The following SETD2 variants were observed in gnomAD, a reference collection of about 807,000 sequenced individuals.
SETD2 encodes the protein histone-lysine N-methyltransferase SETD2.
In SETD2, 31 loss-of-function variants were observed where a neutral mutation model predicts 242.1. That is an observed-to-expected ratio of 0.13 (90% CI 0.10 to 0.17). SETD2 has a LOEUF of 0.17. SETD2 is among the 10% of genes least tolerant of loss of function. SETD2 has a pLI of 1.00. For synonymous variants in SETD2, 1,006 were observed against 1,066.5 expected, an observed-to-expected ratio of 0.94 and a Z score of 1.11; for missense variants, 2,481 against 3,046.3, an observed-to-expected ratio of 0.81 and a Z score of 4.37.
At chr3:47,074,774 T>C (rs1180891023) in intron 12 of SETD2, among the ~76,000 whole-genome samples, 1 of 152,220 alleles carries the variant, frequency 6.6e-6, no homozygotes. Flanking sequence ...AGAAATGCTA[T>C]AGTCTTACAT....
At chr3:47,041,429 C>A (rs1424985522) in intron 17 of SETD2, 4 of 422,310 alleles carry the variant, frequency 9.5e-6, no homozygotes, top group South Asian at 1.7e-5. Flanking sequence ...GGGAGGATCG[C>A]TTGAAGCCAG....
intron 18 of SETD2, among the ~76,000 whole-genome samples, chr3:47,027,336 C>CAAAAAAAAA (rs145911577): frequency 1.8e-4 from 19 of 103,746 alleles, no homozygotes; most frequent in Non-Finnish European, 2.8e-4. Flanking sequence ...GACTCCATCT[C>CAAAAAAAAA]AAAAAAAAAA....
rs572019680 is a variant in SETD2, at chr3:47,096,170, T to G, written c.5142+1785A>C. ...CCTCAAAGGTAGGAGGGGACTCCAC[T>G]CTACAGTTTAACTGTAGTTTAACAC... On this transcript the variant is annotated intron_variant, in intron 9 of 20. Coordinates refer to ENST00000409792, the MANE Select transcript of SETD2 (RefSeq NM_014159.7). Among the ~76,000 whole-genome samples the G allele has an allele frequency of 5.3e-5, 8 of 152,346 alleles. No individual in the cohort carries two copies. The South Asian group carries it at 1.7e-3, about 32-fold the overall frequency.
At chr3:47,125,216 G>C (rs2106734873) in intron 2 of SETD2, among the ~76,000 whole-genome samples, 1 of 152,208 alleles carries the variant, frequency 6.6e-6, no homozygotes, top group South Asian at 2.1e-4. Flanking sequence ...CTACTTGGGA[G>C]GCTGAGGTGG....
chr3:47,104,882 C>A (rs1271946766), intron 6 of SETD2, among the ~76,000 whole-genome samples: 2 of 152,140 alleles, frequency 1.3e-5, no homozygotes, highest in Non-Finnish European at 2.9e-5. Context: ...AGCCTTCGGT[C>A]TGAGCCCTTG....
At chr3:47,073,645 T>C (rs2040923996) in intron 12 of SETD2, among the ~76,000 whole-genome samples, 1 of 151,982 alleles carries the variant, frequency 6.6e-6, no homozygotes, top group African/African-American at 2.4e-5. Context: ...TCCGAAGAAA[T>C]GAAAGGTAAC....
At chr3:47,072,749 T>C (rs1474311095) in intron 12 of SETD2, among the ~76,000 whole-genome samples, 1 of 151,338 alleles carries the variant, frequency 6.6e-6, no homozygotes, top group Non-Finnish European at 1.5e-5. Context: ...ATTCAGACCA[T>C]CCTGGCTAAC....
chr3:47,029,484 A>C (rs541999825), intron 18 of SETD2, among the ~76,000 whole-genome samples: 22 of 97,448 alleles, frequency 2.3e-4, no homozygotes, highest in African/African-American at 6.0e-4. Flanking sequence ...AATAAAAAGC[A>C]AAAAAAAAAA....
intron 18 of SETD2, among the ~76,000 whole-genome samples, chr3:47,031,779 A>T (rs1315323418): frequency 6.6e-6 from 1 of 152,202 alleles, no homozygotes; most frequent in Admixed American, 6.5e-5. Context: ...TTTTATTCGT[A>T]TGGGTTATAG....
At chr3:47,032,712 G>C (rs1322081542) in intron 18 of SETD2, among the ~76,000 whole-genome samples, 1 of 152,042 alleles carries the variant, frequency 6.6e-6, no homozygotes, top group Non-Finnish European at 1.5e-5. Flanking sequence ...AGGAGTTCGA[G>C]ACCAGCCTGG....
At chr3:47,036,462 T>C (rs2038999526) in intron 18 of SETD2, among the ~76,000 whole-genome samples, 1 of 151,756 alleles carries the variant, frequency 6.6e-6, no homozygotes, top group African/African-American at 2.4e-5. Context: ...GGTTGAGACA[T>C]GAGAACTGCT....
chr3:47,061,690 G>A (rs1007498999), intron 14 of SETD2, among the ~76,000 whole-genome samples: 2 of 152,014 alleles, frequency 1.3e-5, no homozygotes, highest in Non-Finnish European at 2.9e-5. Context: ...AACTTGTCTG[G>A]GATAAATGTT....
intron 1 of SETD2, chr3:47,163,652 G>C: frequency 6.3e-6 from 2 of 315,822 alleles, no homozygotes; most frequent in East Asian, 6.6e-5. Flanking sequence ...CGCCAACGCC[G>C]GGCCCAACCG....
chr3:47,163,851 T>C lies in SETD2; in HGVS notation c.71+3A>G, dbSNP rs761216770. On this transcript the variant is annotated splice_donor_region_variant and intron_variant, in intron 1 of 20. Coordinates refer to ENST00000409792, the MANE Select transcript of SETD2 (RefSeq NM_014159.7). ...AGCGGGGGGCCGCGGAGCTGATACT[T>C]ACTCAGGGGTCGGGTGCTCCGGGTC... The C allele has an allele frequency of 7.7e-7, 1 of 1,296,998 alleles. No individual in the cohort carries two copies. Among genetic ancestry groups the C allele is most frequent in the Non-Finnish European group, 9.8e-7 (1 of 1,015,450 alleles). 80.3% of individuals were successfully genotyped at this position (1,296,998 alleles called of 1,614,324 possible).
At chr3:47,136,275 AG>A (rs984863640) in intron 1 of SETD2, among the ~76,000 whole-genome samples, 12 of 152,090 alleles carry the variant, frequency 7.9e-5, no homozygotes, top group African/African-American at 2.7e-4. Context: ...CTCTTTCCAT[AG>A]TCCCTCCTCC....
chr3:47,028,992 G>C, intron 18 of SETD2: 2 of 218,634 alleles, frequency 9.1e-6, no homozygotes, highest in Non-Finnish European at 1.8e-5. Flanking sequence ...ATTTGTTGTA[G>C]ACTAGCTCGA....
chr3:47,055,377 T>C (rs2040011115), intron 15 of SETD2, among the ~76,000 whole-genome samples: 1 of 152,164 alleles, frequency 6.6e-6, no homozygotes. Context: ...AATGTGGTGA[T>C]GATAATGCTT....
chr3:47,126,366 T>A (rs1283399874), intron 2 of SETD2, among the ~76,000 whole-genome samples: 3 of 152,222 alleles, frequency 2.0e-5, no homozygotes, highest in Admixed American at 2.0e-4. Context: ...GGAAGCTCAA[T>A]ACATAAAAAA....
At chr3:47,126,184 C>A (rs1022884806) in intron 2 of SETD2, among the ~76,000 whole-genome samples, 6 of 152,118 alleles carry the variant, frequency 3.9e-5, no homozygotes, top group African/African-American at 1.4e-4. Flanking sequence ...ACCATGTCTG[C>A]CTAATTTTCT....
Sources: allele counts gnomAD v4.1 joint callset (sites outside exome capture counted in the v4.1 genomes callset), GRCh38; gene constraint gnomAD v4.1.1; transcripts MANE v1.5; gene names NCBI Gene and HGNC (gene_info 2026-07-23, HGNC 2026-07-21).